Variants in ABCA13 observed in about 807,000 individuals in gnomAD.
The protein encoded by ABCA13 is ATP binding cassette subfamily A member 13.
Under a neutral mutation model 478.7 loss-of-function variants are expected in ABCA13, and 476 were observed. The observed-to-expected ratio is 0.99, with a 90% CI of 0.92 to 1.07. The LOEUF (loss-of-function observed/expected upper bound fraction) is 1.07. Ranked by LOEUF, ABCA13 falls within the 50% of genes least tolerant of loss-of-function variation. The pLI is 0.00. For synonymous variants in ABCA13, 2,252 were observed against 2,158.9 expected (o/e 1.04, Z -1.20); for missense variants, 6,060 against 5,910.6 (o/e 1.03, Z -0.83).
intron 29 of ABCA13, among the ~76,000 whole-genome samples, chr7:48,346,307 C>A (rs982059412): frequency 6.6e-6 from 1 of 152,128 alleles, no homozygotes; most frequent in Non-Finnish European, 1.5e-5. Flanking sequence ...TAATGAAAGT[C>A]ACACTATAGT....
intron 55 of ABCA13, among the ~76,000 whole-genome samples, chr7:48,556,294 G>T (rs530891005): frequency 2.0e-5 from 3 of 151,954 alleles, no homozygotes; most frequent in East Asian, 3.9e-4. Flanking sequence ...TGGAGGGAAA[G>T]GTTCTGCAGT....
chr7:48,523,981 T>TA (rs1338093784), intron 53 of ABCA13, among the ~76,000 whole-genome samples: 3 of 152,194 alleles, frequency 2.0e-5, no homozygotes, highest in Non-Finnish European at 4.4e-5. Context: ...ATCTTATTCA[T>TA]AAAATTAAAA....
chr7:48,442,968 T>C (rs1823829268), intron 42 of ABCA13, among the ~76,000 whole-genome samples: 4 of 152,202 alleles, frequency 2.6e-5, no homozygotes, highest in African/African-American at 9.7e-5. Flanking sequence ...CATGTGACTA[T>C]AGCTAGGACT....
chr7:48,228,423 A>G (rs1452059419), intron 6 of ABCA13, among the ~76,000 whole-genome samples: 5 of 152,068 alleles, frequency 3.3e-5, no homozygotes, highest in Admixed American at 3.3e-4. Context: ...TTAACACTGG[A>G]CTGTGGCTCC....
chr7:48,222,320 A>G (rs1787489742), intron 5 of ABCA13, among the ~76,000 whole-genome samples: 1 of 152,240 alleles, frequency 6.6e-6, no homozygotes, highest in Admixed American at 6.5e-5. Flanking sequence ...TTTAAAAAAG[A>G]AATTATAATA....
At chr7:48,416,446 A>C (rs143806978) in intron 41 of ABCA13, among the ~76,000 whole-genome samples, 1 of 152,138 alleles carries the variant, frequency 6.6e-6, no homozygotes, top group African/African-American at 2.4e-5. Flanking sequence ...TTGACCATGC[A>C]TGGTGCTCCC....
At chr7:48,622,831 C>T (rs577837335) in intron 59 of ABCA13, among the ~76,000 whole-genome samples, 1 of 152,138 alleles carries the variant, frequency 6.6e-6, no homozygotes, top group Non-Finnish European at 1.5e-5. Flanking sequence ...TATTACCCTT[C>T]ATCTTATAGG....
rs781067344 is a variant in ABCA13 at position 48,295,803 on chromosome 7, C to T, written c.9059C>T (p.Ala3020Val). ...LESFKSSLENATGQDCTSQPR... is the reference protein window; with the variant it reads ...LESFKSSLENVTGQDCTSQPR... ...AGCTTCAAGAGCAGCTTGGAAAATGCCACTGGCCAGGACTGCACAAGCCAG... is the reference window on the plus strand; with the variant it reads ...AGCTTCAAGAGCAGCTTGGAAAATGTCACTGGCCAGGACTGCACAAGCCAG... The change falls in exon 21 of 62, where the codon GCC becomes GTC. Residue 3020 changes from alanine (A) to valine (V), a missense_variant. This residue lies in a region of ABCA13 where 4,423 missense variants were observed against 4,309.1 expected (regional missense o/e 1.03). Transcript: ENST00000435803. 1.1e-5 allele frequency: 18 copies of T among 1,613,846 alleles called. No homozygotes were observed. The highest frequency in any genetic ancestry group is 1.5e-5 in the Non-Finnish European group (18 of 1,179,892).
intron 59 of ABCA13, among the ~76,000 whole-genome samples, chr7:48,617,137 G>C (rs1260545055): frequency 1.3e-5 from 2 of 152,226 alleles, no homozygotes; most frequent in East Asian, 3.9e-4. Context: ...TTGAGATAAA[G>C]AATAAAGGAT....
At chr7:48,418,978 G>T (rs1347435300) in intron 41 of ABCA13, among the ~76,000 whole-genome samples, 13 of 152,198 alleles carry the variant, frequency 8.5e-5, no homozygotes, top group Non-Finnish European at 1.5e-5. Context: ...AGCAGCATCT[G>T]CTTCTGGGGA....
In ABCA13 at chr7:48,274,505, A is replaced by G. The variant is rs187897703; in HGVS notation, c.4839A>G (p.Gln1613=). The G allele has an allele frequency of 1.2e-6, 2 of 1,613,870 alleles. No individual in the cohort carries two copies. The highest frequency in any genetic ancestry group is 2.2e-5 in the East Asian group (1 of 44,870). ...YLAFSLSHDL[Q]NSPKIIISPE... ...CCTTCAGCTTATCTCATGACCTCCA[A>G]AATTCACCAAAAATAATAATTTCAC... Residue 1613 remains glutamine, a synonymous_variant, in exon 17 of 62, where the codon CAA becomes CAG. Transcript: ENST00000435803.
At chr7:48,520,003 C>G in intron 52 of ABCA13, 38 bp from the exon 53 acceptor site, 1 of 1,557,700 alleles carries the variant, frequency 6.4e-7, no homozygotes, top group Non-Finnish European at 8.7e-7. Context: ...AGGGGAATAG[C>G]TTTTAATTGG....
intron 55 of ABCA13, among the ~76,000 whole-genome samples, chr7:48,579,416 T>A (rs1788490341): frequency 6.6e-6 from 1 of 152,164 alleles, no homozygotes; most frequent in Admixed American, 6.5e-5. Flanking sequence ...AAAGCAACAA[T>A]GCAATGCATC....
At chr7:48,437,112 G>T (rs183183820) in intron 42 of ABCA13, among the ~76,000 whole-genome samples, 29 of 152,060 alleles carry the variant, frequency 1.9e-4, no homozygotes, top group African/African-American at 6.0e-4. Context: ...TATTGAGAGT[G>T]AGGTATTGAG....
intron 19 of ABCA13, among the ~76,000 whole-genome samples, chr7:48,286,151 G>A (rs936169273): frequency 6.6e-6 from 1 of 152,114 alleles, no homozygotes; most frequent in Non-Finnish European, 1.5e-5. Context: ...TGGCACATTT[G>A]TTACAATTGA....
chr7:48,598,505 A>G (rs916807937), intron 58 of ABCA13, among the ~76,000 whole-genome samples: 4 of 152,070 alleles, frequency 2.6e-5, no homozygotes, highest in Non-Finnish European at 2.9e-5. Flanking sequence ...GATCCTTTAT[A>G]TTTGAATTGT....
intron 3 of ABCA13, among the ~76,000 whole-genome samples, chr7:48,206,870 A>G (rs1031400252): frequency 6.6e-5 from 10 of 152,048 alleles, no homozygotes; most frequent in African/African-American, 2.4e-4. Context: ...ATTGTTATCT[A>G]TAGTCATCCC....
At chr7:48,336,124 C>G (rs1301888482) in intron 28 of ABCA13, among the ~76,000 whole-genome samples, 5 of 152,042 alleles carry the variant, frequency 3.3e-5, no homozygotes, top group Non-Finnish European at 5.9e-5. Flanking sequence ...AGCTAGAATC[C>G]TTTGAGTTTG....
At position 48,374,377 on chromosome 7, in the gene ABCA13, G is replaced by A. The variant is rs755313835; in HGVS notation, c.11164G>A (p.Gly3722Arg). The A allele has an allele frequency of 6.2e-7, 1 of 1,610,608 alleles. No individual in the cohort carries two copies. Among genetic ancestry groups the A allele is most frequent in the Non-Finnish European group, 8.5e-7 (1 of 1,178,632 alleles). ...CLLSTTAFGQGVFFITFLEGQ... is the reference protein window; with the variant it reads ...CLLSTTAFGQRVFFITFLEGQ... ...TCTTTCGACAACCGCCTTTGGACAAGGGGTATTTTTTATTACATTCCTGGA... is the reference window on the plus strand; with the variant it reads ...TCTTTCGACAACCGCCTTTGGACAAAGGGTATTTTTTATTACATTCCTGGA... Residue 3722 changes from glycine (G) to arginine (R), a missense_variant, in exon 34 of 62, where the codon GGG becomes AGG. This residue lies in a region of ABCA13 where 4,423 missense variants were observed against 4,309.1 expected (regional missense o/e 1.03). Transcript: ENST00000435803.
Sources: gnomAD v4.1 joint callset for allele counts (sites outside exome capture counted in the v4.1 genomes callset) on GRCh38, gnomAD v4.1.1 for gene constraint, gnomAD v4.1.1 regional missense constraint, MANE v1.5 for transcripts, NCBI Gene and HGNC (gene_info 2026-07-23, HGNC 2026-07-21) for gene names.